Variants in ATP10A observed in about 807,000 individuals in gnomAD.
ATP10A encodes phospholipid-transporting ATPase VA.
ATP10A carries 111 observed loss-of-function variants against 147.8 expected under a neutral mutation model. That is an observed-to-expected ratio of 0.75 (90% CI 0.64 to 0.88). The LOEUF (loss-of-function observed/expected upper bound fraction) is 0.88. ATP10A is among the 40% of genes least tolerant of loss of function. ATP10A has a pLI of 0.00. For missense variants in ATP10A, 1,927 were observed against 1,959.0 expected (o/e 0.98, Z 0.31); for synonymous variants, 875 against 841.6 (o/e 1.04, Z -0.69).
In ATP10A at chr15:25,713,872, C is replaced by G. The variant is rs1201580669; in HGVS notation, c.2146G>C (p.Glu716Gln). 10 of 1,613,876 alleles carry G rather than the reference C, an allele frequency of 6.2e-6. No homozygotes were observed. Among genetic ancestry groups the G allele is most frequent in the Non-Finnish European group, 8.5e-6 (10 of 1,180,052 alleles). Residue 716 changes from glutamate (E) to glutamine (Q), a missense_variant, in exon 10 of 21, where the codon GAG (glutamate) becomes CAG (glutamine). Glu to Gln is a conservative substitution (Grantham distance 29). Coordinates refer to ENST00000555815, the MANE Select transcript of ATP10A (RefSeq NM_024490.4). ...ACTGACACTTGGTCGTGCAGCCGCT[C>G]CACAAGCACGCAGTTGTAGGCTCTG... ...AARAYNCVLV[E>Q]RLHDQVSVEL... is the part of the protein sequence containing the mutation.
intron 2 of ATP10A, among the ~76,000 whole-genome samples, chr15:25,737,011 C>T (rs1887325983): frequency 6.6e-6 from 1 of 152,194 alleles, no homozygotes; most frequent in East Asian, 1.9e-4. Context: ...CACACATTTC[C>T]CTGCATAGAA....
chr15:25,746,909 G>A (rs1378241233), intron 2 of ATP10A, among the ~76,000 whole-genome samples: 1 of 152,180 alleles, frequency 6.6e-6, no homozygotes, highest in East Asian at 1.9e-4. Context: ...GATTAGGAAT[G>A]TTCAGCTGGT....
chr15:25,721,657 C>A lies in ATP10A; in HGVS notation c.1363G>T (p.Ala455Ser). Residue 455 changes from alanine to serine, a missense_variant and splice_region_variant, in exon 7 of 21, where the codon GCG becomes TCG. Physicochemically the swap from Ala to Ser is moderately conservative, Grantham distance 99. Coordinates refer to ENST00000555815, the MANE Select transcript of ATP10A (RefSeq NM_024490.4). ...SGVEYSHDAN[A>S]QRLARYQEAD... ...GGGAGCCCCGCACCCCCAGACTCACCATTTGCATCATGAGAATATTCTACA... is the reference window on the plus strand; with the variant it reads ...GGGAGCCCCGCACCCCCAGACTCACAATTTGCATCATGAGAATATTCTACA... 6.2e-7 allele frequency: 1 copy of A among 1,610,262 alleles called. No homozygotes were observed. The highest frequency in any genetic ancestry group is 8.5e-7 in the Non-Finnish European group (1 of 1,177,244).
intron 2 of ATP10A, among the ~76,000 whole-genome samples, chr15:25,763,376 G>A (rs117094938): frequency 0.022 from 3,333 of 152,136 alleles, 45 homozygotes; most frequent in Middle Eastern, 0.065. Flanking sequence ...CATCCCAAAC[G>A]ACAGCAGATG....
intron 9 of ATP10A, among the ~76,000 whole-genome samples, chr15:25,715,217 G>A (rs1317262001): frequency 6.6e-6 from 1 of 152,208 alleles, no homozygotes; most frequent in African/African-American, 2.4e-5. Context: ...GCCAGATTTT[G>A]ATACAGGTGC....
intron 2 of ATP10A, among the ~76,000 whole-genome samples, chr15:25,759,813 A>AC (rs1888654738): frequency 6.6e-6 from 1 of 151,854 alleles, no homozygotes; most frequent in Non-Finnish European, 1.5e-5. Context: ...AAAAAAAAAA[A>AC]AAATAGTGAA....
intron 6 of ATP10A, among the ~76,000 whole-genome samples, chr15:25,723,005 A>G (rs1325204726): frequency 6.6e-6 from 1 of 152,202 alleles, no homozygotes. Flanking sequence ...GAAAAAGCAC[A>G]TTTATGGAAG....
At chr15:25,747,287 C>CAAAA (rs34660034) in intron 2 of ATP10A, among the ~76,000 whole-genome samples, 5 of 113,222 alleles carry the variant, frequency 4.4e-5, no homozygotes, top group Non-Finnish European at 5.6e-5. Context: ...AACTCCATCT[C>CAAAA]AAAAAAAAAA....
intron 2 of ATP10A, among the ~76,000 whole-genome samples, chr15:25,752,576 C>T (rs1211267080): frequency 6.6e-6 from 1 of 152,096 alleles, no homozygotes; most frequent in South Asian, 2.1e-4. Context: ...TCTTGTAGTA[C>T]ATTTTGGAGT....
chr15:25,726,650 G>A (rs1221977457), intron 4 of ATP10A, among the ~76,000 whole-genome samples: 1 of 151,692 alleles, frequency 6.6e-6, no homozygotes, highest in Non-Finnish European at 1.5e-5. Context: ...TCACTACGTT[G>A]GCCAAGCTGG....
chr15:25,817,646 A>G (rs1891720589), intron 1 of ATP10A, among the ~76,000 whole-genome samples: 1 of 152,214 alleles, frequency 6.6e-6, no homozygotes, highest in South Asian at 2.1e-4. Context: ...CCAAATCTCT[A>G]GTCTACTCTG....
chr15:25,704,319 C>T (rs878900522), intron 12 of ATP10A, among the ~76,000 whole-genome samples: 3 of 152,292 alleles, frequency 2.0e-5, no homozygotes, highest in East Asian at 1.9e-4. Flanking sequence ...GCCAGGATAA[C>T]GCTTCCACTA....
At chr15:25,854,953 G>A (rs931565038) in intron 1 of ATP10A, among the ~76,000 whole-genome samples, 7 of 151,758 alleles carry the variant, frequency 4.6e-5, no homozygotes, top group African/African-American at 1.7e-4. Flanking sequence ...CCAGCTATTC[G>A]GAGGCTGAGG....
chr15:25,710,860 A>G (rs912620372), intron 10 of ATP10A: 1 of 152,252 alleles, frequency 6.6e-6, no homozygotes, highest in Non-Finnish European at 1.5e-5. Flanking sequence ...CCACCAAAGC[A>G]TAAGCAAGTG....
At chr15:25,717,348 A>C (rs915481126) in intron 8 of ATP10A, among the ~76,000 whole-genome samples, 1 of 152,208 alleles carries the variant, frequency 6.6e-6, no homozygotes, top group African/African-American at 2.4e-5. Flanking sequence ...TGGATATTTA[A>C]ATTTCTTTCA....
chr15:25,717,141 A>G (rs1216997875), intron 8 of ATP10A, among the ~76,000 whole-genome samples: 1 of 152,234 alleles, frequency 6.6e-6, no homozygotes, highest in African/African-American at 2.4e-5. Context: ...ATGCTTCAGC[A>G]TTGCCCTCTA....
chr15:25,749,096 G>A (rs1043424360), intron 2 of ATP10A, among the ~76,000 whole-genome samples: 2 of 147,506 alleles, frequency 1.4e-5, no homozygotes, highest in Non-Finnish European at 3.0e-5. Flanking sequence ...ATTAATACAT[G>A]AGTTTAGCAA....
intron 16 of ATP10A, 56 bp downstream of exon 16, chr15:25,687,647 G>A: frequency 1.5e-6 from 2 of 1,310,734 alleles, no homozygotes; most frequent in Non-Finnish European, 2.0e-6. Flanking sequence ...TCAGGCGATG[G>A]TCCTAAGAAC....
At chr15:25,714,374 C>A in intron 9 of ATP10A, 133 bp from the exon 10 acceptor site, 2 of 752,912 alleles carry the variant, frequency 2.7e-6, no homozygotes, top group Non-Finnish European at 4.3e-6. Context: ...TCTCAGAGCA[C>A]AGATTTCCCA....
Sources: allele counts gnomAD v4.1 joint callset (sites outside exome capture counted in the v4.1 genomes callset), GRCh38; gene constraint gnomAD v4.1.1; transcripts MANE v1.5; gene names NCBI Gene and HGNC (gene_info 2026-07-23, HGNC 2026-07-21).